The following PSMF1 variants were observed in gnomAD, a reference collection of about 807,000 sequenced individuals.
The protein encoded by PSMF1 is proteasome inhibitor PI31 subunit.
PSMF1 carries 30 observed loss-of-function variants against 29.3 expected under a neutral mutation model. The observed-to-expected ratio is 1.02, with a 90% confidence interval of 0.77 to 1.39. PSMF1 has a LOEUF of 1.39. Ranked by LOEUF, PSMF1 falls within the 40% of genes most tolerant of loss-of-function variation. The pLI is 0.00. For missense variants in PSMF1, 344 were observed against 357.5 expected, an observed-to-expected ratio of 0.96 and a Z score of 0.31; for synonymous variants, 134 against 139.7, an observed-to-expected ratio of 0.96 and a Z score of 0.29.
In PSMF1 at chr20:1,160,525, G is replaced by T. The variant is rs533544174; in HGVS notation, c.552-2605G>T. On this transcript the variant is annotated intron_variant, in intron 4 of 6. Coordinates refer to ENST00000335877, the MANE Select transcript of PSMF1 (RefSeq NM_006814.5). Reference sequence around the variant, plus strand: ...ATATAAGAGGGTCTCACTCACTACTGCTGGCCTGTGCTCCATGTCTTCCCA... The same window carrying T: ...ATATAAGAGGGTCTCACTCACTACTTCTGGCCTGTGCTCCATGTCTTCCCA... 56 of 380,336 alleles carry T rather than the reference G, an allele frequency of 1.5e-4. No individual in the cohort carries two copies. In the East Asian group the frequency reaches 2.6e-3, roughly 17 times the overall value. The allele number at this position is 380,336 out of a possible 1,614,324, so 23.6% of individuals were successfully genotyped here. A position where few individuals can be genotyped will look rare whatever the true frequency, so the allele number is the denominator to read the frequency against.
At chr20:1,153,083 C>A (rs1215227826) in intron 4 of PSMF1, among the ~76,000 whole-genome samples, 2 of 152,096 alleles carry the variant, frequency 1.3e-5, no homozygotes, top group African/African-American at 4.8e-5. Context: ...CTATCCTTAC[C>A]AATGCTGGAG....
chr20:1,142,512 C>G (rs2122537622), intron 4 of PSMF1, among the ~76,000 whole-genome samples: 1 of 150,900 alleles, frequency 6.6e-6, no homozygotes, highest in South Asian at 2.1e-4. Flanking sequence ...TGAGTGAGAA[C>G]ATGCAGTGTT....
intron 1 of PSMF1, 51 bp downstream of exon 1, chr20:1,118,953 A>G: frequency 4.4e-6 from 7 of 1,597,282 alleles, no homozygotes; most frequent in Non-Finnish European, 6.0e-6. Flanking sequence ...TTCTGCCCAA[A>G]CTCAGAGTAC....
Position 1,169,939 on chromosome 20 carries a change from C to T in PSMF1, c.*4859C>T, listed in dbSNP as rs897631188. On this transcript the variant is annotated 3_prime_UTR_variant, in exon 7 of 7. Transcript: ENST00000335877. ...CATGGACCATGATATAAATGGGTAC[C>T]ACAGCCTTGCATGCCTGAGCCTAAC... Among the ~76,000 whole-genome samples, 1 of 152,162 alleles carries T rather than the reference C, an allele frequency of 6.6e-6. No individual in the cohort carries two copies. Among genetic ancestry groups the T allele is most frequent in the Non-Finnish European group, 1.5e-5 (1 of 68,036 alleles).
chr20:1,139,412 A>G (rs1163046585), intron 4 of PSMF1, among the ~76,000 whole-genome samples: 1 of 152,238 alleles, frequency 6.6e-6, no homozygotes, highest in Admixed American at 6.5e-5. Flanking sequence ...AATAAGGGGT[A>G]TCCAGATTAG....
intron 1 of PSMF1, among the ~76,000 whole-genome samples, chr20:1,123,634 C>T (rs898483215): frequency 6.6e-6 from 1 of 152,198 alleles, no homozygotes; most frequent in African/African-American, 2.4e-5. Context: ...TTTATCTCCA[C>T]TTTTGCTACC....
intron 3 of PSMF1, among the ~76,000 whole-genome samples, chr20:1,128,445 A>T (rs1402616944): frequency 1.3e-5 from 2 of 152,218 alleles, no homozygotes; most frequent in African/African-American, 2.4e-5. Flanking sequence ...ATCCTAGAAT[A>T]CACACAAATA....
chr20:1,157,171 C>T (rs926759087), intron 4 of PSMF1, among the ~76,000 whole-genome samples: 5 of 152,128 alleles, frequency 3.3e-5, no homozygotes, highest in Non-Finnish European at 5.9e-5. Flanking sequence ...GCTTTATATT[C>T]TCTGGCAGCT....
chr20:1,132,401 G>T (rs2086241869), intron 3 of PSMF1, among the ~76,000 whole-genome samples: 1 of 151,768 alleles, frequency 6.6e-6, no homozygotes, highest in South Asian at 2.1e-4. Context: ...TCAACCTTCT[G>T]AGTAGCTGGG....
intron 4 of PSMF1, among the ~76,000 whole-genome samples, chr20:1,138,501 C>G (rs2086337181): frequency 8.2e-6 from 1 of 121,372 alleles, no homozygotes; most frequent in Non-Finnish European, 1.6e-5. Context: ...CCAGCCTGGG[C>G]AACAGAGACT....
At chr20:1,138,518 CA>C (rs34220986) in intron 4 of PSMF1, among the ~76,000 whole-genome samples, 19,857 of 97,504 alleles carry the variant, frequency 0.2, 1,528 homozygotes, top group East Asian at 0.54. Flanking sequence ...GACTGCATCT[CA>C]AAAAAAAAAA....
chr20:1,146,290 A>AT (rs763193159), intron 4 of PSMF1, among the ~76,000 whole-genome samples: 3,285 of 143,048 alleles, frequency 0.023, 77 homozygotes, highest in African/African-American at 0.066. Flanking sequence ...TACGTAACAG[A>AT]TTTTTTTTTT....
At chr20:1,134,117 C>A (rs1275183289) in intron 3 of PSMF1, among the ~76,000 whole-genome samples, 3 of 151,436 alleles carry the variant, frequency 2.0e-5, no homozygotes, top group Non-Finnish European at 2.9e-5. Flanking sequence ...ACCTTTATTA[C>A]TTCTGCTTGC....
At chr20:1,132,969 G>GGT (rs151297980) in intron 3 of PSMF1, among the ~76,000 whole-genome samples, 2 of 134,114 alleles carry the variant, frequency 1.5e-5, no homozygotes, top group Non-Finnish European at 3.1e-5. Context: ...GGGTTTTTTT[G>GGT]TTTTTTTTTT....
At chr20:1,127,806 G>T (rs772731777) in intron 3 of PSMF1, among the ~76,000 whole-genome samples, 3 of 152,158 alleles carry the variant, frequency 2.0e-5, no homozygotes, top group Non-Finnish European at 4.4e-5. Flanking sequence ...CTGGGAGGAT[G>T]TGTGCCTCAT....
At chr20:1,130,238 G>A (rs1448122337) in intron 3 of PSMF1, among the ~76,000 whole-genome samples, 2 of 152,148 alleles carry the variant, frequency 1.3e-5, no homozygotes, top group Non-Finnish European at 2.9e-5. Flanking sequence ...AAAGAGATCT[G>A]GAGATGGATG....
chr20:1,167,498 A>G lies in PSMF1; in HGVS notation c.*2418A>G, dbSNP rs1568486886. 1 of 151,826 alleles carries G rather than the reference A, an allele frequency of 6.6e-6. No individual in the cohort carries two copies. The highest frequency in any genetic ancestry group is 1.5e-5 in the Non-Finnish European group (1 of 67,942). The allele number at this position is 151,826 out of a possible 1,614,324, so 9.4% of individuals were successfully genotyped here. A position where few individuals can be genotyped will look rare whatever the true frequency, so the allele number is the denominator to read the frequency against. ...CACCTCAAAAAGAAACCACACACCC[A>G]TTGGCATGACTCCCCATTCCCTTGC... On this transcript the variant is annotated 3_prime_UTR_variant, in exon 7 of 7. Transcript: ENST00000335877.
chr20:1,118,426 T>A (rs1353629213), upstream of PSMF1: 1 of 221,292 alleles, frequency 4.5e-6, no homozygotes, highest in Non-Finnish European at 9.0e-6. Flanking sequence ...CAAGGTGGCC[T>A]CTTGGAGGAC....
At chr20:1,127,372 C>T (rs549093893) in intron 2 of PSMF1, 54 bp from the exon 3 acceptor site, 3 of 1,368,600 alleles carry the variant, frequency 2.2e-6, no homozygotes, top group East Asian at 4.6e-5. Flanking sequence ...CTTCACCCTC[C>T]CACTCTTAGC....
Sources: allele counts gnomAD v4.1 joint callset (sites outside exome capture counted in the v4.1 genomes callset), GRCh38; gene constraint gnomAD v4.1.1; transcripts MANE v1.5; gene names NCBI Gene and HGNC (gene_info 2026-07-23, HGNC 2026-07-21).